The following VSTM4 variants were observed in gnomAD, a reference collection of about 807,000 sequenced individuals.
VSTM4 encodes the protein V-set and transmembrane domain containing 4, also known as V-set and transmembrane domain-containing protein 4.
VSTM4 carries 20 observed loss-of-function variants against 36.4 expected under a neutral mutation model. That is an observed-to-expected ratio of 0.55 (90% confidence interval 0.39 to 0.80). The LOEUF (loss-of-function observed/expected upper bound fraction) is 0.80. VSTM4 is among the 30% of genes least tolerant of loss of function. The probability of loss-of-function intolerance (pLI) is 0.00; values close to 1 mark genes in which losing one functional copy is unlikely to be tolerated. For synonymous variants in VSTM4, 182 were observed against 173.9 expected (o/e 1.05, Z -0.37); for missense variants, 392 against 404.5 (o/e 0.97, Z 0.26).
At chr10:49,102,579 C>G (rs979270120) in intron 2 of VSTM4, 9 of 985,454 alleles carry the variant, frequency 9.1e-6, no homozygotes, top group Non-Finnish European at 1.1e-5. Flanking sequence ...CATGGGCTGG[C>G]ATGCCCAAAG....
At chr10:49,040,787 C>T (rs1359788445) in intron 7 of VSTM4, among the ~76,000 whole-genome samples, 1 of 152,188 alleles carries the variant, frequency 6.6e-6, no homozygotes, top group African/African-American at 2.4e-5. Flanking sequence ...CGGCAGCTGG[C>T]ACACAATAGG....
chr10:49,044,431 AAAG>A lies in VSTM4; in HGVS notation c.837+2549_837+2551del, dbSNP rs201008957. On this transcript the variant is annotated intron_variant, in intron 7 of 7. Coordinates refer to ENST00000332853, the MANE Select transcript of VSTM4 (RefSeq NM_001031746.5). ...AGAAAGAGAGAAAGAAAGAAAAAGA[AAAG>A]AAGGAAGGAAGGAGAGAAAGAAAGA... Among the ~76,000 whole-genome samples the A allele has an allele frequency of 1.7e-3, 251 of 150,974 alleles. 3 individuals are homozygous for A. In the East Asian group the frequency reaches 0.044, roughly 26 times the overall value.
chr10:49,084,964 A>AC (rs1214619594), intron 3 of VSTM4, among the ~76,000 whole-genome samples: 3 of 152,210 alleles, frequency 2.0e-5, no homozygotes, highest in Non-Finnish European at 4.4e-5. Flanking sequence ...TGCCAGGAGT[A>AC]CCCCCAAAAG....
At chr10:49,101,689 T>C (rs1322715666) in intron 2 of VSTM4, among the ~76,000 whole-genome samples, 1 of 152,222 alleles carries the variant, frequency 6.6e-6, no homozygotes, top group Non-Finnish European at 1.5e-5. Context: ...CATTTTGGCA[T>C]TGTCTACAAA....
Position 49,016,629 on chromosome 10 carries a change from C to T in VSTM4, c.*3021G>A, listed in dbSNP as rs1843108902. The T allele has an allele frequency of 6.6e-6, 1 of 152,236 alleles. No individual in the cohort carries two copies. Among genetic ancestry groups the T allele is most frequent in the Non-Finnish European group, 1.5e-5 (1 of 68,038 alleles). The allele number at this position is 152,236 out of a possible 1,614,324, so 9.4% of individuals were successfully genotyped here. ...TGCTGTGTGGGCCAGCCCACATTAT[C>T]ATACACTAAAAATATATTTTCTAAA... is the stretch of plus-strand genomic sequence containing the variant. On this transcript the variant is annotated 3_prime_UTR_variant, in exon 8 of 8. Coordinates refer to ENST00000332853, the MANE Select transcript of VSTM4 (RefSeq NM_001031746.5).
At position 49,048,366 on chromosome 10, in the gene VSTM4, G is replaced by A. The variant is rs895977694; in HGVS notation, c.775+112C>T. The stretch of plus-strand genomic sequence containing the variant: ...AGACTACATAATCATTAAATGTCAT[G>A]TCATATTCCCCATCTGCCTACGCTC... On this transcript the variant is annotated intron_variant, in intron 6 of 7. Transcript: ENST00000332853. 1.0e-5 allele frequency: 10 copies of A among 955,126 alleles called. No homozygotes were observed. In the African/African-American group the frequency reaches 1.2e-4, roughly 11 times the overall value. The allele number at this position is 955,126 out of a possible 1,614,324, so 59.2% of individuals were successfully genotyped here.
chr10:49,053,880 G>A (rs1345143610), intron 5 of VSTM4, among the ~76,000 whole-genome samples: 2 of 152,208 alleles, frequency 1.3e-5, no homozygotes, highest in Non-Finnish European at 2.9e-5. Context: ...CTGCATTCCT[G>A]AGCGATGGGC....
intron 2 of VSTM4, among the ~76,000 whole-genome samples, chr10:49,093,514 T>G (rs1257715325): frequency 6.6e-6 from 1 of 152,186 alleles, no homozygotes; most frequent in Non-Finnish European, 1.5e-5. Context: ...TGGACGTGTC[T>G]TCCCAAGGAG....
chr10:49,021,043 AT>A (rs1843175595), intron 7 of VSTM4, among the ~76,000 whole-genome samples: 1 of 152,156 alleles, frequency 6.6e-6, no homozygotes, highest in Admixed American at 6.5e-5. Context: ...GTTTAAAACA[AT>A]TTTTGAATGA....
rs150363518 is a variant in VSTM4 at position 49,080,571 on chromosome 10, T to A, written c.527-3245A>T. On this transcript the variant is annotated intron_variant, in intron 3 of 7. Coordinates refer to ENST00000332853, the MANE Select transcript of VSTM4 (RefSeq NM_001031746.5). ...AAGTGCCTTAGGGCAAGGTAGCAGG[T>A]GAAGGGTGCATCTGCACTAACATTT... 1.1e-4 allele frequency among the ~76,000 whole-genome samples: 16 copies of A among 152,256 alleles called. No individual in the cohort carries two copies. In the East Asian group the frequency reaches 3.1e-3, roughly 29 times the overall value.
chr10:49,037,866 CACTCAT>C (rs1471855562), intron 7 of VSTM4, among the ~76,000 whole-genome samples: 1 of 151,772 alleles, frequency 6.6e-6, no homozygotes, highest in Non-Finnish European at 1.5e-5. Context: ...TGCTCAACAT[CACTCAT>C]TAGGGAAATG....
At chr10:49,044,725 C>G (rs1843578239) in intron 7 of VSTM4, among the ~76,000 whole-genome samples, 1 of 152,164 alleles carries the variant, frequency 6.6e-6, no homozygotes, top group African/African-American at 2.4e-5. Flanking sequence ...ACCCAGATTT[C>G]TTTATCCATT....
intron 4 of VSTM4, among the ~76,000 whole-genome samples, chr10:49,076,911 C>T (rs1490283153): frequency 6.6e-6 from 1 of 152,138 alleles, no homozygotes. Flanking sequence ...AAACCTCAGC[C>T]TCAAACTGCA....
intron 7 of VSTM4, among the ~76,000 whole-genome samples, chr10:49,039,576 G>T (rs1194198895): frequency 1.3e-5 from 2 of 152,104 alleles, no homozygotes; most frequent in African/African-American, 2.4e-5. Context: ...GAGAACAGGG[G>T]TGGCCTGACC....
At chr10:49,069,495 C>T (rs1294601570) in intron 4 of VSTM4, among the ~76,000 whole-genome samples, 1 of 152,216 alleles carries the variant, frequency 6.6e-6, no homozygotes, top group African/African-American at 2.4e-5. Flanking sequence ...AGGCTGGGAG[C>T]CCTGCAGCCT....
At chr10:49,049,061 T>C (rs1843657927) in intron 5 of VSTM4, among the ~76,000 whole-genome samples, 1 of 152,120 alleles carries the variant, frequency 6.6e-6, no homozygotes, top group Admixed American at 6.5e-5. Context: ...GGCAAACATC[T>C]CCCCATCACC....
At chr10:49,077,406 T>C (rs1844199716) in intron 3 of VSTM4, 80 bp from the exon 4 acceptor site, 3 of 1,315,006 alleles carry the variant, frequency 2.3e-6, no homozygotes, top group Non-Finnish European at 3.3e-6. Flanking sequence ...CAATCAGAAT[T>C]GGAATATTTG....
intron 2 of VSTM4, among the ~76,000 whole-genome samples, chr10:49,091,016 C>T (rs4317903): frequency 2.0e-5 from 3 of 151,486 alleles, no homozygotes; most frequent in East Asian, 3.9e-4. Context: ...TGGGGAAAGG[C>T]GAACAGGCAG....
intron 2 of VSTM4, among the ~76,000 whole-genome samples, chr10:49,090,229 A>C (rs1414130254): frequency 3.3e-5 from 5 of 152,244 alleles, no homozygotes; most frequent in African/African-American, 1.2e-4. Flanking sequence ...CTGGAGCCTT[A>C]AGCAAGAGTC....
Sources: allele counts gnomAD v4.1 joint callset (sites outside exome capture counted in the v4.1 genomes callset), GRCh38; gene constraint gnomAD v4.1.1; transcripts MANE v1.5; gene names NCBI Gene and HGNC (gene_info 2026-07-23, HGNC 2026-07-21).